The following PCDHAC1 variants were observed in gnomAD, a reference collection of about 807,000 sequenced individuals.
The protein encoded by PCDHAC1 is protocadherin alpha subfamily C, 1, also known as protocadherin alpha-C1.
A neutral mutation model predicts 60.0 loss-of-function variants in PCDHAC1; 42 were observed. The observed-to-expected ratio is 0.70, with a 90% confidence interval of 0.55 to 0.90. PCDHAC1 has a LOEUF of 0.90. Ranked by LOEUF, PCDHAC1 falls within the 40% of genes least tolerant of loss-of-function variation. PCDHAC1 has a pLI of 0.00. For missense variants in PCDHAC1, 1,160 were observed against 1,222.3 expected (o/e 0.95, Z 0.76); for synonymous variants, 468 against 499.3 (o/e 0.94, Z 0.84).
intron 1 of PCDHAC1, chr5:140,968,394 G>T: frequency 6.2e-7 from 1 of 1,613,940 alleles, no homozygotes; most frequent in Non-Finnish European, 8.5e-7. Context: ...GAGAAGTTTC[G>T]GGAGTTCTTT....
intron 2 of PCDHAC1, among the ~76,000 whole-genome samples, chr5:140,979,343 AATT>A (rs1482354475): frequency 8.6e-5 from 13 of 152,024 alleles, no homozygotes; most frequent in African/African-American, 3.1e-4. Flanking sequence ...TAAAAACTGT[AATT>A]AATACTCATG....
chr5:141,010,202 G>A lies in PCDHAC1; in HGVS notation c.*265G>A, dbSNP rs1354578914. The A allele has an allele frequency of 2.5e-5, 39 of 1,551,826 alleles. No homozygotes were observed. The highest frequency in any genetic ancestry group is 3.1e-5 in the Non-Finnish European group (36 of 1,147,058). On this transcript the variant is annotated 3_prime_UTR_variant, in exon 4 of 4. Transcript: ENST00000253807. ...CAGACCCAAGTTTCCTTTCTCCTCCGCCGCAAAGGAGAGGCTTCCCAGCCC... is the reference window on the plus strand; with the variant it reads ...CAGACCCAAGTTTCCTTTCTCCTCCACCGCAAAGGAGAGGCTTCCCAGCCC...
rs781892034 is a variant in PCDHAC1, at chr5:140,968,314, G to A, written c.2434-10635G>A. ...TTCTGGAGAGGGAGATTCAAGGGCT[G>A]CCAGTCACCTCCTATGTCTCCATTA... On this transcript the variant is annotated intron_variant, in intron 1 of 3. Transcript: ENST00000253807. The A allele has an allele frequency of 2.5e-6, 4 of 1,613,960 alleles. No individual in the cohort carries two copies. The South Asian group carries it at 4.4e-5, about 18-fold the overall frequency.
At chr5:140,997,604 G>A (rs1271144424) in intron 3 of PCDHAC1, among the ~76,000 whole-genome samples, 2 of 152,136 alleles carry the variant, frequency 1.3e-5, no homozygotes, top group East Asian at 1.9e-4. Flanking sequence ...ATTATGGGGC[G>A]CATGACTATA....
chr5:141,003,685 A>G (rs782131958), intron 3 of PCDHAC1, among the ~76,000 whole-genome samples: 12 of 152,198 alleles, frequency 7.9e-5, no homozygotes, highest in Non-Finnish European at 1.2e-4. Flanking sequence ...TCTGATTTTA[A>G]AATATATCCC....
At position 141,009,879 on chromosome 5, in the gene PCDHAC1, A is replaced by G; in HGVS notation, c.2834A>G (p.Asn945Ser). Reference protein sequence around the residue: ...TKKKKKKKKGNKTQEKKEKGN... With the variant: ...TKKKKKKKKGSKTQEKKEKGN... ...AAAAAGAAGAAAAAGAAGAAGGGTA[A>G]CAAGACCCAGGAGAAAAAAGAGAAA... Residue 945 changes from asparagine (N) to serine (S), a missense_variant, in exon 4 of 4, where the codon AAC (asparagine) becomes AGC (serine). Asn to Ser is a conservative substitution (Grantham distance 46). This residue lies in a region of PCDHAC1 where 1,113 missense variants were observed against 1,163.7 expected (regional missense o/e 0.96). Coordinates refer to ENST00000253807, the MANE Select transcript of PCDHAC1 (RefSeq NM_018898.5). 12 of 1,613,884 alleles carry G rather than the reference A, an allele frequency of 7.4e-6. No individual in the cohort carries two copies. Among genetic ancestry groups the G allele is most frequent in the Non-Finnish European group, 1.0e-5 (12 of 1,179,984 alleles).
At chr5:140,958,998 C>T (rs868985322) in intron 1 of PCDHAC1, among the ~76,000 whole-genome samples, 5 of 151,906 alleles carry the variant, frequency 3.3e-5, no homozygotes, top group South Asian at 2.1e-4. Flanking sequence ...TAATCTTTTA[C>T]TGTACCTAAT....
intron 1 of PCDHAC1, among the ~76,000 whole-genome samples, chr5:140,941,374 T>C (rs1188935172): frequency 6.7e-6 from 1 of 148,216 alleles, no homozygotes; most frequent in African/African-American, 2.5e-5. Flanking sequence ...TGGAGTGTAG[T>C]GACAGGATTT....
intron 3 of PCDHAC1, among the ~76,000 whole-genome samples, chr5:140,990,514 T>C (rs1437267512): frequency 1.3e-5 from 2 of 152,204 alleles, no homozygotes; most frequent in Non-Finnish European, 1.5e-5. Context: ...TCTTCTCTCT[T>C]GTCTTTTTTG....
chr5:140,952,496 G>A (rs2094755026), intron 1 of PCDHAC1, among the ~76,000 whole-genome samples: 1 of 152,112 alleles, frequency 6.6e-6, no homozygotes, highest in Non-Finnish European at 1.5e-5. Flanking sequence ...CCAGTCCTCA[G>A]TAAGTTCCTC....
chr5:141,005,936 G>A (rs1233031842), intron 3 of PCDHAC1, among the ~76,000 whole-genome samples: 1 of 151,890 alleles, frequency 6.6e-6, no homozygotes, highest in African/African-American at 2.4e-5. Context: ...GACAGAGTGA[G>A]AACCTATCTC....
intron 1 of PCDHAC1, among the ~76,000 whole-genome samples, chr5:140,956,246 C>T (rs2095270779): frequency 6.6e-6 from 1 of 152,094 alleles, no homozygotes; most frequent in African/African-American, 2.4e-5. Context: ...GGGAATGCTT[C>T]CAGGTTTTGC....
rs1554262827 is a variant in PCDHAC1 at position 141,010,253 on chromosome 5, C to A, written c.*316C>A. The A allele has an allele frequency of 3.2e-6, 5 of 1,551,834 alleles. No homozygotes were observed. The highest frequency in any genetic ancestry group is 1.7e-4 in the Middle Eastern group (1 of 5,990). On this transcript the variant is annotated 3_prime_UTR_variant, in exon 4 of 4. Transcript: ENST00000253807. ...CGCCAGTGAGAGGTTGGACTCTCTG[C>A]CCTGTGCTCCGGGGATCCTGTCTTG...
At position 140,928,709 on chromosome 5, in the gene PCDHAC1, C is replaced by T. The variant is rs1563108337; in HGVS notation, c.1817C>T (p.Ser606Phe). The change falls in exon 1 of 4, where the codon TCT (serine) becomes TTT (phenylalanine). Residue 606 changes from serine to phenylalanine, a missense_variant. By Grantham distance (155) the Ser-to-Phe change is radical. Transcript: ENST00000253807. The stretch of plus-strand genomic sequence containing the variant: ...TACCACATCTCCCGGGCGTCTGACT[C>T]TAGTCTCTTTAGAATTTCAGCCAAT... ...LSYHISRASD[S>F]SLFRISANIG... 6.2e-7 allele frequency: 1 copy of T among 1,614,180 alleles called. No homozygotes were observed. Among genetic ancestry groups the T allele is most frequent in the Non-Finnish European group, 8.5e-7 (1 of 1,180,034 alleles).
At chr5:140,959,285 G>A (rs2095478960) in intron 1 of PCDHAC1, among the ~76,000 whole-genome samples, 1 of 152,002 alleles carries the variant, frequency 6.6e-6, no homozygotes, top group African/African-American at 2.4e-5. Flanking sequence ...CCTGAGGTGG[G>A]AGCATCACTG....
At chr5:140,984,441 T>A (rs1554246265) in intron 3 of PCDHAC1, among the ~76,000 whole-genome samples, 3 of 152,200 alleles carry the variant, frequency 2.0e-5, no homozygotes, top group Admixed American at 6.5e-5. Context: ...TCTCCCTTGT[T>A]CCCTTTCTTA....
chr5:140,953,851 GC>G (rs1458424600), intron 1 of PCDHAC1, among the ~76,000 whole-genome samples: 6 of 152,108 alleles, frequency 3.9e-5, no homozygotes, highest in African/African-American at 1.2e-4. Context: ...GTAAACATGT[GC>G]CATGGTGGTT....
intron 3 of PCDHAC1, among the ~76,000 whole-genome samples, chr5:141,008,546 A>G (rs2098381708): frequency 6.6e-6 from 1 of 150,382 alleles, no homozygotes; most frequent in Non-Finnish European, 1.5e-5. Flanking sequence ...TTTATTGAAA[A>G]CTCCTGTGGA....
intron 1 of PCDHAC1, among the ~76,000 whole-genome samples, chr5:140,973,258 C>T (rs952911948): frequency 1.3e-5 from 2 of 152,168 alleles, no homozygotes; most frequent in African/African-American, 4.8e-5. Flanking sequence ...CTTTCAGTGG[C>T]ACCTACTTTT....
Sources: gnomAD v4.1 joint callset for allele counts (sites outside exome capture counted in the v4.1 genomes callset) on GRCh38, gnomAD v4.1.1 for gene constraint, gnomAD v4.1.1 regional missense constraint, MANE v1.5 for transcripts, NCBI Gene and HGNC (gene_info 2026-07-23, HGNC 2026-07-21) for gene names.